The following SMU1 variants were observed in gnomAD, a reference collection of about 807,000 sequenced individuals.
SMU1 encodes SMU1 DNA replication regulator and spliceosomal factor, also known as WD40 repeat-containing protein SMU1.
In SMU1, 2 loss-of-function variants were observed where a neutral mutation model predicts 62.0. The ratio of observed to expected loss-of-function variants is 0.03; its 90% CI spans 0.01 to 0.10. SMU1 has a LOEUF of 0.10. Ranked by LOEUF, SMU1 falls within the 10% of genes least tolerant of loss-of-function variation. The probability of loss-of-function intolerance (pLI) is 1.00; values close to 1 mark genes in which losing one functional copy is unlikely to be tolerated. For synonymous variants in SMU1, 188 were observed against 212.4 expected (o/e 0.89, Z 1.00); for missense variants, 227 against 622.1 (o/e 0.36, Z 6.76).
At chr9:33,049,633 A>C (rs1007177794) in intron 10 of SMU1, among the ~76,000 whole-genome samples, 2 of 152,216 alleles carry the variant, frequency 1.3e-5, no homozygotes, top group African/African-American at 4.8e-5. Context: ...TGTAAAAGCC[A>C]CTGTCAAGAA....
chr9:33,047,959 A>C, intron 11 of SMU1, 147 bp downstream of exon 11: 1 of 640,132 alleles, frequency 1.6e-6, no homozygotes, highest in Non-Finnish European at 2.5e-6. Flanking sequence ...TTACTTCTTG[A>C]ATTTGACATG....
chr9:33,049,384 G>A (rs919016248), intron 10 of SMU1, among the ~76,000 whole-genome samples: 1 of 152,160 alleles, frequency 6.6e-6, no homozygotes, highest in African/African-American at 2.4e-5. Context: ...ACACTTACAT[G>A]CAAGAAAATG....
chr9:33,059,209 A>G (rs998588696), intron 6 of SMU1, among the ~76,000 whole-genome samples: 4 of 152,204 alleles, frequency 2.6e-5, no homozygotes, highest in Non-Finnish European at 4.4e-5. Context: ...AGCAAGAAGT[A>G]TAACAGGGTA....
At chr9:33,051,339 GA>G (rs1376656684) in intron 10 of SMU1, among the ~76,000 whole-genome samples, 1 of 152,170 alleles carries the variant, frequency 6.6e-6, no homozygotes, top group Admixed American at 6.5e-5. Flanking sequence ...AAAGGGCACA[GA>G]GAATTTCTGG....
chr9:33,060,148 A>G (rs1415472659), intron 6 of SMU1, among the ~76,000 whole-genome samples: 1 of 152,100 alleles, frequency 6.6e-6, no homozygotes, highest in Non-Finnish European at 1.5e-5. Flanking sequence ...AGCTAAAACT[A>G]TAGGTGCACA....
In SMU1 at chr9:33,057,581, G is replaced by A. The variant is rs1839316571; in HGVS notation, c.867+17C>T. The A allele has an allele frequency of 6.2e-7, 1 of 1,612,438 alleles. No individual in the cohort carries two copies. The highest frequency in any genetic ancestry group is 8.5e-7 in the Non-Finnish European group (1 of 1,179,920). On this transcript the variant is annotated intron_variant, in intron 7 of 11. Transcript: ENST00000397149. Reference sequence around the variant, plus strand: ...TCAAAATGTCTACATATGAGAGGCTGTGGCACTAATCCATACCTTGATTTT... The same window carrying A: ...TCAAAATGTCTACATATGAGAGGCTATGGCACTAATCCATACCTTGATTTT...
chr9:33,049,773 C>T (rs549182496), intron 10 of SMU1, among the ~76,000 whole-genome samples: 2 of 151,830 alleles, frequency 1.3e-5, no homozygotes, highest in South Asian at 4.2e-4. Context: ...TCCACACACA[C>T]ACACACACAC....
chr9:33,072,247 G>T (rs1839494775), intron 2 of SMU1, among the ~76,000 whole-genome samples: 2 of 152,144 alleles, frequency 1.3e-5, no homozygotes. Context: ...TGAGGCAGGA[G>T]AATTGCTTGA....
intron 6 of SMU1, 96 bp from the exon 7 acceptor site, chr9:33,057,810 T>G: frequency 6.6e-7 from 1 of 1,514,342 alleles, no homozygotes; most frequent in East Asian, 2.3e-5. Context: ...GGATTGTACC[T>G]ACTCTAAACC....
Position 33,045,756 on chromosome 9 carries a change from A to C in SMU1, c.*1537T>G, listed in dbSNP as rs1320564776. ...GCTACTTGGGAGGCTAAGGCAGGAGAATCGCTTGAACCTGGGAAGTGGAAG... is the reference window on the plus strand; with the variant it reads ...GCTACTTGGGAGGCTAAGGCAGGAGCATCGCTTGAACCTGGGAAGTGGAAG... On this transcript the variant is annotated 3_prime_UTR_variant, in exon 12 of 12. Transcript: ENST00000397149. The C allele has an allele frequency of 6.6e-6, 1 of 152,338 alleles. No homozygotes were observed. Among genetic ancestry groups the C allele is most frequent in the African/African-American group, 2.4e-5 (1 of 41,464 alleles). The allele number at this position is 152,338 out of a possible 1,614,324, so 9.4% of individuals were successfully genotyped here.
chr9:33,064,838 G>T (rs946456277), intron 4 of SMU1, among the ~76,000 whole-genome samples: 1 of 151,938 alleles, frequency 6.6e-6, no homozygotes, highest in African/African-American at 2.4e-5. Context: ...TGCCTCCCGG[G>T]TTCAAGTGAT....
At chr9:33,066,781 G>A (rs2119441830) in intron 4 of SMU1, among the ~76,000 whole-genome samples, 1 of 151,706 alleles carries the variant, frequency 6.6e-6, no homozygotes, top group South Asian at 2.1e-4. Flanking sequence ...ACTCCAGCCT[G>A]GCGACAGAGT....
chr9:33,062,660 T>C (rs577740057), intron 4 of SMU1, among the ~76,000 whole-genome samples: 23 of 152,172 alleles, frequency 1.5e-4, no homozygotes, highest in Non-Finnish European at 3.2e-4. Flanking sequence ...GTAAAATATA[T>C]CCCATCTAGT....
At chr9:33,065,343 A>C (rs1471772655) in intron 4 of SMU1, among the ~76,000 whole-genome samples, 1 of 152,204 alleles carries the variant, frequency 6.6e-6, no homozygotes, top group Non-Finnish European at 1.5e-5. Context: ...GAAACCTAGA[A>C]CCAAAACCTC....
At chr9:33,050,246 T>G (rs1839227994) in intron 10 of SMU1, among the ~76,000 whole-genome samples, 1 of 152,138 alleles carries the variant, frequency 6.6e-6, no homozygotes, top group Non-Finnish European at 1.5e-5. Flanking sequence ...TCAATGCTGG[T>G]GAGGATGTGG....
At chr9:33,073,172 G>C (rs969741148) in intron 2 of SMU1, among the ~76,000 whole-genome samples, 6 of 152,116 alleles carry the variant, frequency 3.9e-5, no homozygotes, top group Admixed American at 1.3e-4. Flanking sequence ...CAAGGCTGGC[G>C]AACTGCTTGA....
At chr9:33,050,694 G>A (rs528333778) in intron 10 of SMU1, among the ~76,000 whole-genome samples, 2 of 151,794 alleles carry the variant, frequency 1.3e-5, no homozygotes, top group African/African-American at 4.8e-5. Flanking sequence ...GGTGCAGTGG[G>A]AGGCGCCTGT....
chr9:33,069,703 G>A (rs7467224), intron 3 of SMU1, among the ~76,000 whole-genome samples: 1 of 152,122 alleles, frequency 6.6e-6, no homozygotes, highest in Non-Finnish European at 1.5e-5. Flanking sequence ...TCGGGAGGCT[G>A]AGGCAGGAGA....
Position 33,046,620 on chromosome 9 carries a change from G to C in SMU1, c.*673C>G, listed in dbSNP as rs1380750666. 1 of 151,522 alleles carries C rather than the reference G, an allele frequency of 6.6e-6. No homozygotes were observed. Among genetic ancestry groups the C allele is most frequent in the East Asian group, 1.9e-4 (1 of 5,174 alleles). 9.4% of individuals were successfully genotyped at this position (151,522 alleles called of 1,614,324 possible). ...AAAAAAAAAAGATGGGCCGGGCATGGTGGCTCACGCCTGTGATCCCAGCAC... is the reference window on the plus strand; with the variant it reads ...AAAAAAAAAAGATGGGCCGGGCATGCTGGCTCACGCCTGTGATCCCAGCAC... On this transcript the variant is annotated 3_prime_UTR_variant, in exon 12 of 12. Transcript: ENST00000397149.
Sources: gnomAD v4.1 joint callset for allele counts (sites outside exome capture counted in the v4.1 genomes callset) on GRCh38, gnomAD v4.1.1 for gene constraint, MANE v1.5 for transcripts, NCBI Gene and HGNC (gene_info 2026-07-23, HGNC 2026-07-21) for gene names.